CYP4V2: variants seen among roughly 807,000 people sequenced by gnomAD.
CYP4V2 encodes cytochrome P450 family 4 subfamily V member 2, also known as cytochrome P450 4V2.
CYP4V2 carries 55 observed loss-of-function variants against 60.8 expected under a neutral mutation model. That is an observed-to-expected ratio of 0.90 (90% CI 0.73 to 1.13). The LOEUF (loss-of-function observed/expected upper bound fraction) is 1.13, where lower values mean the gene tolerates loss of function less well. Among genes scored for constraint, CYP4V2 ranks in the 50% most tolerant of loss-of-function variants. CYP4V2 has a pLI of 0.00. For missense variants in CYP4V2, 675 were observed against 662.9 expected (o/e 1.02, Z -0.20); for synonymous variants, 239 against 236.8 (o/e 1.01, Z -0.08).
rs1736779906 is a variant in CYP4V2 at position 186,213,018 on chromosome 4, TTA to T, written c.*2379_*2380del. On this transcript the variant is annotated 3_prime_UTR_variant, in exon 11 of 11. Coordinates refer to ENST00000378802, the MANE Select transcript of CYP4V2 (RefSeq NM_207352.4). ...AAAGTTGTATTTGTGGAAATTGGTATTATCTCTGTTTTATGCACTTACATTTA... is the reference window on the plus strand; with the variant it reads ...AAAGTTGTATTTGTGGAAATTGGTATTCTCTGTTTTATGCACTTACATTTA... The T allele has an allele frequency of 6.6e-6, 1 of 152,244 alleles. No homozygotes were observed. Among genetic ancestry groups the T allele is most frequent in the Admixed American group, 6.5e-5 (1 of 15,288 alleles). 9.4% of individuals were successfully genotyped at this position (152,244 alleles called of 1,614,324 possible). A position where few individuals can be genotyped will look rare whatever the true frequency, so the allele number is the denominator to read the frequency against.
chr4:186,207,422 A>AAAAGAAAG (rs978681425), intron 8 of CYP4V2, among the ~76,000 whole-genome samples: 1 of 142,910 alleles, frequency 7.0e-6, no homozygotes, highest in African/African-American at 2.6e-5. Flanking sequence ...CAAAAAAAAA[A>AAAAGAAAG]AAAGAAAGAA....
At chr4:186,205,355 ATGTCAC>A in intron 8 of CYP4V2, 53 bp downstream of exon 8, 1 of 1,521,260 alleles carries the variant, frequency 6.6e-7, no homozygotes, top group Non-Finnish European at 9.1e-7. Flanking sequence ...TGCTGCAGAG[ATGTCAC>A]TGTGTTGTAA....
chr4:186,196,135 C>A, intron 3 of CYP4V2, 47 bp downstream of exon 3: 2 of 1,446,570 alleles, frequency 1.4e-6, no homozygotes, highest in South Asian at 1.1e-5. Context: ...ATGGTTACTT[C>A]TACGTGCAAC....
intron 5 of CYP4V2, among the ~76,000 whole-genome samples, chr4:186,198,312 G>A (rs976415457): frequency 1.3e-5 from 2 of 152,204 alleles, no homozygotes; most frequent in Non-Finnish European, 2.9e-5. Flanking sequence ...GCAGGCAACG[G>A]ACAAAGAAAT....
rs914026590 is a variant in CYP4V2 at position 186,210,788 on chromosome 4, C to G, written c.*147C>G. On this transcript the variant is annotated 3_prime_UTR_variant, in exon 11 of 11. Transcript: ENST00000378802. The stretch of plus-strand genomic sequence containing the variant: ...GATCCCACTGATCTTGACATCAAGT[C>G]TAACAAAGAAAAAGTTTTGAGTTTT... The G allele has an allele frequency of 2.0e-5, 18 of 917,584 alleles. No individual in the cohort carries two copies. The African/African-American group carries it at 2.9e-4, about 15-fold the overall frequency. 56.8% of individuals were successfully genotyped at this position (917,584 alleles called of 1,614,324 possible). A position where few individuals can be genotyped will look rare whatever the true frequency, so the allele number is the denominator to read the frequency against.
At position 186,210,473 on chromosome 4, in the gene CYP4V2, A is replaced by T. The variant is rs761359540; in HGVS notation, c.1410A>T (p.Gln470His). The change falls in exon 11 of 11, where the codon CAA becomes CAT. Residue 470 changes from glutamine (Q) to histidine (H), a missense_variant. Gln to His is a conservative substitution (Grantham distance 24). Coordinates refer to ENST00000378802, the MANE Select transcript of CYP4V2 (RefSeq NM_207352.4). The stretch of plus-strand genomic sequence containing the variant: ...GGTATCTACATTAATTTGAAGGTCA[A>T]AAGTTTGCTGTGATGGAAGAAAAGA... ...FSAGPRNCIG[Q>H]KFAVMEEKTI... 1.2e-6 allele frequency: 2 copies of T among 1,614,050 alleles called. No homozygotes were observed. The highest frequency in any genetic ancestry group is 1.7e-6 in the Non-Finnish European group (2 of 1,180,026).
intron 1 of CYP4V2, among the ~76,000 whole-genome samples, chr4:186,192,577 C>CGGCA (rs1398142076): frequency 7.2e-5 from 11 of 152,210 alleles, no homozygotes; most frequent in African/African-American, 2.7e-4. Context: ...AATTAAGAGA[C>CGGCA]GGCAGGGCCT....
Position 186,199,017 on chromosome 4 carries a change from C to A in CYP4V2, c.735C>A (p.Tyr245Ter). Residue 245 changes from tyrosine to a stop codon, truncating the protein, a stop_gained, in exon 6 of 11, where the codon TAC becomes TAA. Coordinates refer to ENST00000378802, the MANE Select transcript of CYP4V2 (RefSeq NM_207352.4). LOFTEE classifies it high-confidence loss of function. ...CCTGGCTTTGGCTTGATCTCTGGTA[C>A]CTTATGTTTAAAGAAGGATGGGAAC... ...KMPWLWLDLW[Y>*]LMFKEGWEHK... The A allele has an allele frequency of 9.9e-6, 16 of 1,614,002 alleles. No individual in the cohort carries two copies. Among genetic ancestry groups the A allele is most frequent in the Non-Finnish European group, 1.4e-5 (16 of 1,179,950 alleles).
At position 186,201,424 on chromosome 4, in the gene CYP4V2, T is replaced by G. The variant is rs772785126; in HGVS notation, c.987+82T>G. Reference sequence around the variant, plus strand: ...TCTTTAGCATTATTTTTTAAAACAATCAAATTTTAAAGTAGTTTAACTAAA... The same window carrying G: ...TCTTTAGCATTATTTTTTAAAACAAGCAAATTTTAAAGTAGTTTAACTAAA... On this transcript the variant is annotated intron_variant, in intron 7 of 10. Transcript: ENST00000378802. 5 of 1,496,534 alleles carry G rather than the reference T, an allele frequency of 3.3e-6. No homozygotes were observed. In the Admixed American group the frequency reaches 7.2e-5, roughly 21 times the overall value. The allele number at this position is 1,496,534 out of a possible 1,614,324, so 92.7% of individuals were successfully genotyped here.
At position 186,211,834 on chromosome 4, in the gene CYP4V2, T is replaced by C. The variant is rs1736733211; in HGVS notation, c.*1193T>C. On this transcript the variant is annotated 3_prime_UTR_variant, in exon 11 of 11. Coordinates refer to ENST00000378802, the MANE Select transcript of CYP4V2 (RefSeq NM_207352.4). ...TCAGATTTTATAACCTGGAGCAGAT[T>C]ATTTTAAGTTGATTAGTAGGTTCTG... 1 of 152,198 alleles carries C rather than the reference T, an allele frequency of 6.6e-6. No individual in the cohort carries two copies. The highest frequency in any genetic ancestry group is 2.4e-5 in the African/African-American group (1 of 41,440). The allele number at this position is 152,198 out of a possible 1,614,324, so 9.4% of individuals were successfully genotyped here.
In CYP4V2 at chr4:186,212,136, A is replaced by G. The variant is rs1211255775; in HGVS notation, c.*1495A>G. On this transcript the variant is annotated 3_prime_UTR_variant, in exon 11 of 11. Coordinates refer to ENST00000378802, the MANE Select transcript of CYP4V2 (RefSeq NM_207352.4). ...GTTGGTGACAGAGCTGGAAATACGT[A>G]GAGATCTATACCCTTAAATCTCTCC... 1 of 152,166 alleles carries G rather than the reference A, an allele frequency of 6.6e-6. No individual in the cohort carries two copies. Among genetic ancestry groups the G allele is most frequent in the African/African-American group, 2.4e-5 (1 of 41,436 alleles). 9.4% of individuals were successfully genotyped at this position (152,166 alleles called of 1,614,324 possible).
intron 7 of CYP4V2, chr4:186,203,688 C>A (rs1052776060): frequency 6.6e-6 from 1 of 152,262 alleles, no homozygotes; most frequent in African/African-American, 2.4e-5. Context: ...CAGAATACTT[C>A]CTTCCGTACT....
chr4:186,205,119 C>G, intron 7 of CYP4V2, 81 bp from the exon 8 acceptor site: 1 of 1,295,736 alleles, frequency 7.7e-7, no homozygotes, highest in Non-Finnish European at 1.1e-6. Flanking sequence ...AATCCAGAGA[C>G]AATTCAAAAG....
chr4:186,201,401 T>G (rs1736303659), intron 7 of CYP4V2, 59 bp downstream of exon 7: 2 of 1,558,036 alleles, frequency 1.3e-6, no homozygotes, highest in Admixed American at 3.4e-5. Context: ...TGTTAGAATC[T>G]TTAGCATTAT....
intron 2 of CYP4V2, among the ~76,000 whole-genome samples, chr4:186,194,856 T>C (rs565826263): frequency 6.6e-6 from 1 of 152,320 alleles, no homozygotes; most frequent in African/African-American, 2.4e-5. Flanking sequence ...TATTCTTTTT[T>C]TGAAAGGATA....
chr4:186,201,296 TAA>T lies in CYP4V2; in HGVS notation c.942_943del (p.His316Ter). On this transcript the variant is annotated frameshift_variant, in exon 7 of 11. Coordinates refer to ENST00000378802, the MANE Select transcript of CYP4V2 (RefSeq NM_207352.4). LOFTEE classifies it high-confidence loss of function. ...GTGACTGATGACGAAGGGAACAGGC[TAA>T]GTCATGAAGATATTCGAGAAGAAGT... The T allele has an allele frequency of 1.9e-6, 3 of 1,614,218 alleles. No individual in the cohort carries two copies. Among genetic ancestry groups the T allele is most frequent in the Non-Finnish European group, 1.7e-6 (2 of 1,180,040 alleles).
Position 186,201,322 on chromosome 4 carries a change from GT to G in CYP4V2, c.969del (p.Asp324ThrfsTer15). 1 of 1,614,166 alleles carries G rather than the reference GT, an allele frequency of 6.2e-7. No homozygotes were observed. The highest frequency in any genetic ancestry group is 8.5e-7 in the Non-Finnish European group (1 of 1,180,030). On this transcript the variant is annotated frameshift_variant, in exon 7 of 11. Coordinates refer to ENST00000378802, the MANE Select transcript of CYP4V2 (RefSeq NM_207352.4). LOFTEE classifies it high-confidence loss of function. ...AAGTCATGAAGATATTCGAGAAGAA[GT>G]TGACACCTTCATGTTTGAGGTATTG... The part of the protein sequence containing the change: ...RLSHEDIREE[V>X]DTFMFEGHDT...
chr4:186,192,349 G>A, intron 1 of CYP4V2: 1 of 598,320 alleles, frequency 1.7e-6, no homozygotes, highest in South Asian at 1.6e-5. Context: ...GCCTTGGCTT[G>A]GGAAGCCTTA....
chr4:186,199,950 G>C (rs1435880242), intron 6 of CYP4V2, among the ~76,000 whole-genome samples: 2 of 152,154 alleles, frequency 1.3e-5, no homozygotes, highest in African/African-American at 2.4e-5. Flanking sequence ...ACCCCCAAGA[G>C]AGCAAATGAT....
Sources: gnomAD v4.1 joint callset for allele counts (sites outside exome capture counted in the v4.1 genomes callset) on GRCh38, gnomAD v4.1.1 for gene constraint, MANE v1.5 for transcripts, NCBI Gene and HGNC (gene_info 2026-07-23, HGNC 2026-07-21) for gene names.